Variants in MINDY4 observed in about 807,000 individuals in gnomAD.
The protein encoded by MINDY4 is MINDY lysine 48 deubiquitinase 4.
A neutral mutation model predicts 87.0 loss-of-function variants in MINDY4; 68 were observed. That is an observed-to-expected ratio of 0.78 (90% CI 0.64 to 0.96). The LOEUF (loss-of-function observed/expected upper bound fraction) is 0.96, where lower values mean the gene tolerates loss of function less well. Ranked by LOEUF, MINDY4 falls within the 40% of genes least tolerant of loss-of-function variation. MINDY4 has a pLI of 0.00. For synonymous variants in MINDY4, 379 were observed against 363.2 expected (o/e 1.04, Z -0.50); for missense variants, 919 against 928.2 (o/e 0.99, Z 0.13).
chr7:30,783,337 A>G (rs1047624884), intron 3 of MINDY4, among the ~76,000 whole-genome samples: 1 of 152,102 alleles, frequency 6.6e-6, no homozygotes, highest in African/African-American at 2.4e-5. Context: ...GACCCCTGTG[A>G]TTACATTGGG....
intron 5 of MINDY4, chr7:30,802,931 A>G (rs1050255527): frequency 6.6e-6 from 1 of 151,682 alleles, no homozygotes; most frequent in Non-Finnish European, 1.5e-5. Context: ...CATCTCACCC[A>G]CCCAACCAAC....
intron 17 of MINDY4, among the ~76,000 whole-genome samples, chr7:30,888,654 C>T (rs1182824357): frequency 1.3e-5 from 2 of 152,180 alleles, no homozygotes; most frequent in African/African-American, 2.4e-5. Flanking sequence ...AATCGGGGAA[C>T]GATTCGATTC....
intron 3 of MINDY4, 97 bp from the exon 4 acceptor site, chr7:30,785,652 G>C: frequency 1.4e-6 from 2 of 1,394,872 alleles, no homozygotes; most frequent in South Asian, 1.3e-5. Flanking sequence ...TTTATTAATG[G>C]GCTTGCTTTG....
intron 5 of MINDY4, among the ~76,000 whole-genome samples, chr7:30,823,722 A>G (rs1788411778): frequency 6.6e-6 from 1 of 151,846 alleles, no homozygotes; most frequent in Non-Finnish European, 1.5e-5. Context: ...TGGGAGTCCT[A>G]TTTGCTGTGT....
intron 12 of MINDY4, among the ~76,000 whole-genome samples, chr7:30,856,075 G>A (rs1418696294): frequency 6.6e-6 from 1 of 152,164 alleles, no homozygotes; most frequent in East Asian, 1.9e-4. Context: ...TGTCTGGCAG[G>A]CTCCTGGCCA....
rs758991160 is a variant in MINDY4 at position 30,791,368 on chromosome 7, C to G, written c.867C>G (p.Ser289Arg). ...AAAGGCAGAAAACCACTGCCAGCAGCCCTCCCCATCTGCCCAGCAAACGGC... is the reference window on the plus strand; with the variant it reads ...AAAGGCAGAAAACCACTGCCAGCAGGCCTCCCCATCTGCCCAGCAAACGGC... ...TVERQKTTASSPPHLPSKRLP... is the reference protein window; with the variant it reads ...TVERQKTTASRPPHLPSKRLP... Residue 289 changes from serine to arginine, a missense_variant, in exon 5 of 18, where the codon AGC (serine) becomes AGG (arginine). Transcript: ENST00000265299. 6.2e-7 allele frequency: 1 copy of G among 1,614,006 alleles called. No individual in the cohort carries two copies. Among genetic ancestry groups the G allele is most frequent in the African/African-American group, 1.3e-5 (1 of 74,910 alleles).
chr7:30,863,401 C>T lies in MINDY4; in HGVS notation c.1745+4077C>T, dbSNP rs149404830. Among the ~76,000 whole-genome samples the T allele has an allele frequency of 4.4e-3, 669 of 152,076 alleles. 4 individuals are homozygous for T. Among genetic ancestry groups the T allele is most frequent in the African/African-American group, 0.015 (619 of 41,472 alleles). ...GGAGAGATTGGTGACACTGTATGGC[C>T]GGGTGTGAGATGACATGGGTGTTGG... On this transcript the variant is annotated intron_variant, in intron 13 of 17. Coordinates refer to ENST00000265299, the MANE Select transcript of MINDY4 (RefSeq NM_032222.3).
At chr7:30,840,230 A>T (rs976419534) in intron 8 of MINDY4, among the ~76,000 whole-genome samples, 1 of 152,208 alleles carries the variant, frequency 6.6e-6, no homozygotes, top group African/African-American at 2.4e-5. Context: ...CCTCTGCACC[A>T]CAGGGTGAGA....
intron 13 of MINDY4, among the ~76,000 whole-genome samples, 155 bp downstream of exon 13, chr7:30,859,479 C>T (rs1789684574): frequency 6.6e-6 from 1 of 152,214 alleles, no homozygotes; most frequent in Admixed American, 6.5e-5. Flanking sequence ...GGAAGGTCTG[C>T]TGGTGGAGGA....
At position 30,853,463 on chromosome 7, in the gene MINDY4, T is replaced by C. The variant is rs1265013875; in HGVS notation, c.1677+4T>C. 2 of 1,609,654 alleles carry C rather than the reference T, an allele frequency of 1.2e-6. No individual in the cohort carries two copies. The highest frequency in any genetic ancestry group is 1.3e-5 in the African/African-American group (1 of 75,024). ...TCTTCAACAAAGCATTCATCAGGTA[T>C]GAAGCATGCCTTACTCCTGTGGGAT... is the stretch of plus-strand genomic sequence containing the variant. On this transcript the variant is annotated splice_donor_region_variant and intron_variant, in intron 12 of 17. Coordinates refer to ENST00000265299, the MANE Select transcript of MINDY4 (RefSeq NM_032222.3).
intron 15 of MINDY4, among the ~76,000 whole-genome samples, chr7:30,880,664 GA>G (rs747214369): frequency 6.6e-6 from 1 of 152,164 alleles, no homozygotes; most frequent in Non-Finnish European, 1.5e-5. Context: ...GCATGGAATG[GA>G]AGCCAAGTTT....
At chr7:30,862,075 G>GCTT (rs1413547334) in intron 13 of MINDY4, among the ~76,000 whole-genome samples, 1 of 152,238 alleles carries the variant, frequency 6.6e-6, no homozygotes, top group African/African-American at 2.4e-5. Flanking sequence ...TAAACTGAGG[G>GCTT]CTTCAAGTGA....
chr7:30,771,701 C>CT (rs1264828447), intron 1 of MINDY4, 145 bp downstream of exon 1: 3 of 794,024 alleles, frequency 3.8e-6, no homozygotes, highest in Non-Finnish European at 5.9e-6. Flanking sequence ...AAGAGCGCCG[C>CT]TTTCCCGGGA....
rs1364986493 is a variant in MINDY4, at chr7:30,840,740, A to AATGGTCTC, written c.1357-17_1357-10dup. On this transcript the variant is annotated intron_variant, in intron 8 of 17. Transcript: ENST00000265299. ...CCCCAGGCCAGTTCTCACTGGCAGCAATGGTCTCATTCTTTGCAGGGTGGT... is the reference window on the plus strand; with the variant it reads ...CCCCAGGCCAGTTCTCACTGGCAGCAATGGTCTCATGGTCTCATTCTTTGCAGGGTGGT... The AATGGTCTC allele has an allele frequency of 6.2e-7, 1 of 1,612,406 alleles. No individual in the cohort carries two copies. The highest frequency in any genetic ancestry group is 2.2e-5 in the East Asian group (1 of 44,860).
At position 30,771,438 on chromosome 7, in the gene MINDY4, GT is replaced by G. The variant is rs1786628116; in HGVS notation, c.-54del. The G allele has an allele frequency of 6.4e-7, 1 of 1,564,570 alleles. No individual in the cohort carries two copies. The highest frequency in any genetic ancestry group is 1.3e-5 in the African/African-American group (1 of 74,132). On this transcript the variant is annotated 5_prime_UTR_variant, in exon 1 of 18. Transcript: ENST00000265299. Reference sequence around the variant, plus strand: ...GGCCATACTGCGCCGGACAGACCCAGTTGCCTGGTGCTGCGGCCCGGCGTGG... The same window carrying G: ...GGCCATACTGCGCCGGACAGACCCAGTGCCTGGTGCTGCGGCCCGGCGTGG...
intron 17 of MINDY4, among the ~76,000 whole-genome samples, chr7:30,884,783 G>A (rs1005593956): frequency 2.0e-5 from 3 of 152,200 alleles, no homozygotes; most frequent in African/African-American, 7.2e-5. Context: ...GGACTTCTTG[G>A]GCTCAGCTCT....
intron 6 of MINDY4, among the ~76,000 whole-genome samples, chr7:30,830,253 G>A (rs1442838344): frequency 1.3e-5 from 2 of 152,178 alleles, no homozygotes; most frequent in Non-Finnish European, 2.9e-5. Context: ...ATAAAAGGTG[G>A]CCTTGCCTTT....
chr7:30,830,424 CTG>C (rs1274543320), intron 6 of MINDY4, among the ~76,000 whole-genome samples: 1 of 152,148 alleles, frequency 6.6e-6, no homozygotes, highest in African/African-American at 2.4e-5. Context: ...ATACCAGAAA[CTG>C]AGTAATTTTT....
chr7:30,844,907 T>C (rs906309625), intron 9 of MINDY4, among the ~76,000 whole-genome samples: 1 of 152,220 alleles, frequency 6.6e-6, no homozygotes, highest in East Asian at 1.9e-4. Flanking sequence ...CAAAGTCCTT[T>C]GTAAATCTTC....
Sources: gnomAD v4.1 joint callset for allele counts (sites outside exome capture counted in the v4.1 genomes callset) on GRCh38, gnomAD v4.1.1 for gene constraint, MANE v1.5 for transcripts, NCBI Gene and HGNC (gene_info 2026-07-23, HGNC 2026-07-21) for gene names.